Variants in ATF6B observed in about 807,000 individuals in gnomAD.
ATF6B encodes the protein activating transcription factor 6 beta.
ATF6B carries 50 observed loss-of-function variants against 83.5 expected under a neutral mutation model. The observed-to-expected ratio is 0.60, with a 90% confidence interval of 0.48 to 0.76. The LOEUF (loss-of-function observed/expected upper bound fraction) is 0.76, where lower values mean the gene tolerates loss of function less well. Among genes scored for constraint, ATF6B ranks in the 30% least tolerant of loss-of-function variants. ATF6B has a pLI of 0.00. For synonymous variants in ATF6B, 344 were observed against 362.8 expected (o/e 0.95, Z 0.59); for missense variants, 790 against 893.8 (o/e 0.88, Z 1.48).
rs1781538023 is a variant in ATF6B at position 32,116,585 on chromosome 6, G to C, written c.1798-21C>G. The C allele has an allele frequency of 1.9e-6, 3 of 1,598,204 alleles. No individual in the cohort carries two copies. Among genetic ancestry groups the C allele is most frequent in the Non-Finnish European group, 2.6e-6 (3 of 1,170,482 alleles). On this transcript the variant is annotated intron_variant, in intron 16 of 17. Coordinates refer to ENST00000375203, the MANE Select transcript of ATF6B (RefSeq NM_004381.5). This position sits in a 1 kb window ranked among gnomAD's most constrained non-coding sequence, Gnocchi z 5.1. ...TGGTCCTGGGGAACAGATGGGCCAG[G>C]CCAGAAGGGTGGAGGCAAAGATGCC...
At position 32,118,727 on chromosome 6, in the gene ATF6B, A is replaced by G. The variant is rs1252497522; in HGVS notation, c.1244+48T>C. The G allele has an allele frequency of 6.3e-7, 1 of 1,582,730 alleles. No individual in the cohort carries two copies. The highest frequency in any genetic ancestry group is 8.7e-7 in the Non-Finnish European group (1 of 1,152,192). ...CCAAAGCAGGCAGCTAGGAGGCTGTAACGTGGGCTCCACCTGGAAGGTTCT... is the reference window on the plus strand; with the variant it reads ...CCAAAGCAGGCAGCTAGGAGGCTGTGACGTGGGCTCCACCTGGAAGGTTCT... On this transcript the variant is annotated intron_variant, in intron 11 of 17. Coordinates refer to ENST00000375203, the MANE Select transcript of ATF6B (RefSeq NM_004381.5). The surrounding 1 kb of genome is among the most constrained non-coding windows in gnomAD (Gnocchi z 5.2).
rs1269337641 is a variant in ATF6B at position 32,119,860 on chromosome 6, A to G, written c.930T>C (p.Ala310=). 3.1e-6 allele frequency: 5 copies of G among 1,614,062 alleles called. No homozygotes were observed. Among genetic ancestry groups the G allele is most frequent in the Non-Finnish European group, 4.2e-6 (5 of 1,180,002 alleles). The part of the protein sequence containing the change: ...PRPERKSIVP[A]PMPGNSCPPE... ...GCGGGCAGGAGTTTCCAGGCATAGGAGCGGGAACGATGCTCTTCCTCTCAG... is the reference window on the plus strand; with the variant it reads ...GCGGGCAGGAGTTTCCAGGCATAGGGGCGGGAACGATGCTCTTCCTCTCAG... Residue 310 remains alanine (A), a synonymous_variant, in exon 9 of 18, where the codon GCT becomes GCC. Coordinates refer to ENST00000375203, the MANE Select transcript of ATF6B (RefSeq NM_004381.5). The surrounding 1 kb of genome is among the most constrained non-coding windows in gnomAD (Gnocchi z 4.9).
chr6:32,116,582 C>A lies in ATF6B; in HGVS notation c.1798-18G>T. The A allele has an allele frequency of 6.3e-7, 1 of 1,597,358 alleles. No homozygotes were observed. Among genetic ancestry groups the A allele is most frequent in the Non-Finnish European group, 8.5e-7 (1 of 1,170,026 alleles). On this transcript the variant is annotated intron_variant, in intron 16 of 17. Transcript: ENST00000375203. This position sits in a 1 kb window ranked among gnomAD's most constrained non-coding sequence, Gnocchi z 5.1. ...AGGTGGTCCTGGGGAACAGATGGGC[C>A]AGGCCAGAAGGGTGGAGGCAAAGAT... is the stretch of plus-strand genomic sequence containing the variant.
At chr6:32,121,158 G>C in intron 6 of ATF6B, 34 bp from the exon 7 acceptor site, 4 of 1,608,550 alleles carry the variant, frequency 2.5e-6, no homozygotes, top group Non-Finnish European at 3.4e-6. Context: ...CATTAGTCAG[G>C]AAGAGTGTCG....
At position 32,117,414 on chromosome 6, in the gene ATF6B, T is replaced by C. The variant is rs1781574317; in HGVS notation, c.1533-10A>G. 1.2e-6 allele frequency: 2 copies of C among 1,613,628 alleles called. No homozygotes were observed. The highest frequency in any genetic ancestry group is 1.3e-5 in the African/African-American group (1 of 74,898). On this transcript the variant is annotated splice_polypyrimidine_tract_variant and intron_variant, in intron 13 of 17. Transcript: ENST00000375203. The surrounding 1 kb of genome is among the most constrained non-coding windows in gnomAD (Gnocchi z 5.0). Reference sequence around the variant, plus strand: ...CAACTCGTCAGCAAGCCTGGGGAAATGGAGGAGCTCAGGACCTCCATGCCA... The same window carrying C: ...CAACTCGTCAGCAAGCCTGGGGAAACGGAGGAGCTCAGGACCTCCATGCCA...
chr6:32,127,458 G>A lies in ATF6B; in HGVS notation c.234C>T (p.Leu78=). The A allele has an allele frequency of 6.2e-7, 1 of 1,612,508 alleles. No individual in the cohort carries two copies. Among genetic ancestry groups the A allele is most frequent in the South Asian group, 1.1e-5 (1 of 90,968 alleles). Residue 78 remains leucine (L), a synonymous_variant, in exon 3 of 18, where the codon CTC becomes CTT. Transcript: ENST00000375203. The part of the protein sequence containing the change: ...DVSPSEPPWE[L]LPIFPDLQVK... ...CTACCTTACCTGGGAAGATCGGCAGGAGTTCCCATGGGGGCTCAGAGGGGC... is the reference window on the plus strand; with the variant it reads ...CTACCTTACCTGGGAAGATCGGCAGAAGTTCCCATGGGGGCTCAGAGGGGC...
chr6:32,126,372 T>A, intron 4 of ATF6B, 120 bp from the exon 5 acceptor site: 1 of 1,264,658 alleles, frequency 7.9e-7, no homozygotes. Context: ...CATCAATTAT[T>A]TGACATTCTG....
Position 32,117,173 on chromosome 6 carries a change from C to G in ATF6B, c.1615-66G>C. On this transcript the variant is annotated intron_variant, in intron 14 of 17. Transcript: ENST00000375203. The surrounding 1 kb of genome is among the most constrained non-coding windows in gnomAD (Gnocchi z 5.0). ...GAAAAGGGAAAGAGACAAACAGCCC[C>G]TGGAAGCTGATGCCACCTCCCACTC... The G allele has an allele frequency of 1.3e-6, 2 of 1,574,276 alleles. No homozygotes were observed. Among genetic ancestry groups the G allele is most frequent in the Non-Finnish European group, 1.7e-6 (2 of 1,148,378 alleles).
In ATF6B at chr6:32,126,175, T is replaced by C. The variant is rs144578106; in HGVS notation, c.420A>G (p.Pro140=). 5.0e-5 allele frequency: 80 copies of C among 1,614,074 alleles called. No individual in the cohort carries two copies. In the African/African-American group the frequency reaches 8.4e-4, roughly 17 times the overall value. The change falls in exon 5 of 18, where the codon CCA becomes CCG. Residue 140 remains proline, a synonymous_variant. Coordinates refer to ENST00000375203, the MANE Select transcript of ATF6B (RefSeq NM_004381.5). Reference sequence around the variant, plus strand: ...TCTGGACGGTTTCAAATGAGGATGTTGGGTCATCTCCCAGGAGACACAGTG... The same window carrying C: ...TCTGGACGGTTTCAAATGAGGATGTCGGGTCATCTCCCAGGAGACACAGTG... ...APPLCLLGDD[P]TSSFETVQIN...
chr6:32,119,869 G>C lies in ATF6B; in HGVS notation c.921C>G (p.Ile307Met), dbSNP rs758672739. ...AGTTTCCAGGCATAGGAGCGGGAACGATGCTCTTCCTCTCAGGCCGTGGTA... is the reference window on the plus strand; with the variant it reads ...AGTTTCCAGGCATAGGAGCGGGAACCATGCTCTTCCTCTCAGGCCGTGGTA... ...PSLPRPERKSIVPAPMPGNSC... is the reference protein window; with the variant it reads ...PSLPRPERKSMVPAPMPGNSC... Residue 307 changes from isoleucine to methionine, a missense_variant, in exon 9 of 18, where the codon ATC becomes ATG. Ile to Met is a conservative substitution (Grantham distance 10). Transcript: ENST00000375203. This position sits in a 1 kb window ranked among gnomAD's most constrained non-coding sequence, Gnocchi z 4.9. 6.2e-7 allele frequency: 1 copy of C among 1,614,112 alleles called. No individual in the cohort carries two copies. Among genetic ancestry groups the C allele is most frequent in the Non-Finnish European group, 8.5e-7 (1 of 1,180,008 alleles).
chr6:32,120,673 A>C, intron 8 of ATF6B, 98 bp downstream of exon 8: 1 of 1,427,730 alleles, frequency 7.0e-7, no homozygotes, highest in South Asian at 1.4e-5. Context: ...CTGGTCTTAA[A>C]CTTCTGACCT....
In ATF6B at chr6:32,117,196, C is replaced by T. The variant is rs1193911606; in HGVS notation, c.1615-89G>A. ...CCCTGGAAGCTGATGCCACCTCCCA[C>T]TCAACCCTCCACTTCCTTCAAACGA... is the stretch of plus-strand genomic sequence containing the variant. On this transcript the variant is annotated intron_variant, in intron 14 of 17. Coordinates refer to ENST00000375203, the MANE Select transcript of ATF6B (RefSeq NM_004381.5). This position sits in a 1 kb window ranked among gnomAD's most constrained non-coding sequence, Gnocchi z 5.0. The T allele has an allele frequency of 1.3e-6, 2 of 1,538,474 alleles. No homozygotes were observed. The highest frequency in any genetic ancestry group is 1.8e-6 in the Non-Finnish European group (2 of 1,123,388).
At position 32,117,890 on chromosome 6, in the gene ATF6B, G is replaced by A. The variant is rs1231848614; in HGVS notation, c.1393C>T (p.Gln465Ter). 8.2e-6 allele frequency: 13 copies of A among 1,577,194 alleles called. No individual in the cohort carries two copies. Among genetic ancestry groups the A allele is most frequent in the Non-Finnish European group, 1.1e-5 (13 of 1,164,746 alleles). The change falls in exon 12 of 18, where the codon CAG becomes TAG. Residue 465 changes from glutamine to a stop codon, truncating the protein, a stop_gained. Transcript: ENST00000375203. LOFTEE classifies it high-confidence loss of function. The surrounding 1 kb of genome is among the most constrained non-coding windows in gnomAD (Gnocchi z 5.0). ...CTGGGCTGGTCTGTGGGGCTGGGCTGGGGCTCCTTAGGGCCCTGGGAGGAC... is the reference window on the plus strand; with the variant it reads ...CTGGGCTGGTCTGTGGGGCTGGGCTAGGGCTCCTTAGGGCCCTGGGAGGAC... ...QGSSQGPKEP[Q>*]PSPTDQPSFS... is the part of the protein sequence containing the mutation.
chr6:32,126,204 G>A lies in ATF6B; in HGVS notation c.391C>T (p.Pro131Ser). ...VLHVKTESLA[P>S]PLCLLGDDPT... ...TCATCTCCCAGGAGACACAGTGGGG[G>A]TGCCAAGGACTCTGTCTTCACATGG... The change falls in exon 5 of 18, where the codon CCC becomes TCC. Residue 131 changes from proline (P) to serine (S), a missense_variant. Coordinates refer to ENST00000375203, the MANE Select transcript of ATF6B (RefSeq NM_004381.5). 3 of 1,614,186 alleles carry A rather than the reference G, an allele frequency of 1.9e-6. No individual in the cohort carries two copies. The South Asian group carries it at 3.3e-5, about 18-fold the overall frequency.
At chr6:32,123,842 G>A (rs1397095890) in intron 5 of ATF6B, among the ~76,000 whole-genome samples, 1 of 152,130 alleles carries the variant, frequency 6.6e-6, no homozygotes, top group Non-Finnish European at 1.5e-5. Context: ...TGCATCAGCG[G>A]GCTCCCTGGT....
intron 5 of ATF6B, among the ~76,000 whole-genome samples, chr6:32,123,606 T>A (rs1182459549): frequency 6.6e-6 from 1 of 152,160 alleles, no homozygotes. Context: ...GCCCGAATGG[T>A]CTTGATCTCC....
In ATF6B at chr6:32,117,318, C is replaced by T. The variant is rs1441941449; in HGVS notation, c.1614+5G>A. The T allele has an allele frequency of 6.2e-7, 1 of 1,613,110 alleles. No homozygotes were observed. Among genetic ancestry groups the T allele is most frequent in the African/African-American group, 1.3e-5 (1 of 74,904 alleles). On this transcript the variant is annotated splice_donor_5th_base_variant and intron_variant, in intron 14 of 17. Coordinates refer to ENST00000375203, the MANE Select transcript of ATF6B (RefSeq NM_004381.5). The surrounding 1 kb of genome is among the most constrained non-coding windows in gnomAD (Gnocchi z 5.0). Reference sequence around the variant, plus strand: ...GGCCTTCCTTGAACCAGCCACCCGCCCTACCTGTCTCTCCTGGGCCCTCTG... The same window carrying T: ...GGCCTTCCTTGAACCAGCCACCCGCTCTACCTGTCTCTCCTGGGCCCTCTG...
chr6:32,126,110 T>G lies in ATF6B; in HGVS notation c.478+7A>C. ...AGCCAAGGATTGGGGGCAGGCTGTT[T>G]TATTACCTGAGGAATCATCAGAGGT... On this transcript the variant is annotated splice_region_variant and intron_variant, in intron 5 of 17. Coordinates refer to ENST00000375203, the MANE Select transcript of ATF6B (RefSeq NM_004381.5). 1.2e-6 allele frequency: 2 copies of G among 1,614,058 alleles called. No individual in the cohort carries two copies.
At position 32,127,665 on chromosome 6, in the gene ATF6B, C is replaced by T. The variant is rs1561772285; in HGVS notation, c.171+6G>A. On this transcript the variant is annotated splice_donor_region_variant and intron_variant, in intron 2 of 17. Transcript: ENST00000375203. ...AAGGGTTAGAGAAAGGCTGGGGACA[C>T]AATACCGGGACATCCTGCTCCGGGC... is the stretch of plus-strand genomic sequence containing the variant. 1.9e-6 allele frequency: 3 copies of T among 1,614,056 alleles called. No individual in the cohort carries two copies. Among genetic ancestry groups the T allele is most frequent in the African/African-American group, 2.7e-5 (2 of 74,918 alleles).
Sources: gnomAD v4.1 joint callset for allele counts (sites outside exome capture counted in the v4.1 genomes callset) on GRCh38, gnomAD v4.1.1 for gene constraint, Gnocchi (gnomAD v3.1) non-coding constraint, MANE v1.5 for transcripts, NCBI Gene and HGNC (gene_info 2026-07-23, HGNC 2026-07-21) for gene names.